The following PCDHGA9 variants were observed in gnomAD, a reference collection of about 807,000 sequenced individuals.
The protein encoded by PCDHGA9 is protocadherin gamma-A9.
In PCDHGA9, 37 loss-of-function variants were observed where a neutral mutation model predicts 62.5. The observed-to-expected ratio is 0.59, with a 90% CI of 0.46 to 0.78. The LOEUF (loss-of-function observed/expected upper bound fraction) is 0.78. Ranked by LOEUF, PCDHGA9 falls within the 30% of genes least tolerant of loss-of-function variation. The pLI, the probability that PCDHGA9 is intolerant of heterozygous loss-of-function variation, is 0.00. For synonymous variants in PCDHGA9, 459 were observed against 484.6 expected, an observed-to-expected ratio of 0.95 and a Z score of 0.69; for missense variants, 1,138 against 1,166.2, an observed-to-expected ratio of 0.98 and a Z score of 0.35.
In PCDHGA9 at chr5:141,506,176, C is replaced by T. The variant is rs183157987; in HGVS notation, c.2572+695C>T. ...CCTTAAGAGCACAGCCTAAGCTGGG[C>T]GTGGTGGCTCACGCCTGTAATCCCA... is the stretch of plus-strand genomic sequence containing the variant. On this transcript the variant is annotated intron_variant, in intron 3 of 3. Coordinates refer to ENST00000573521, the MANE Select transcript of PCDHGA9 (RefSeq NM_018921.3). Among the ~76,000 whole-genome samples the T allele has an allele frequency of 3.0e-3, 454 of 152,234 alleles. 1 individual carries two copies. The highest frequency in any genetic ancestry group is 0.021 in the Admixed American group (317 of 15,296).
intron 1 of PCDHGA9, chr5:141,427,495 C>T: frequency 1.8e-6 from 1 of 562,648 alleles, no homozygotes; most frequent in South Asian, 1.5e-5. Flanking sequence ...AAGCTTGTAA[C>T]AGATGGGACC....
chr5:141,441,973 C>A lies in PCDHGA9; in HGVS notation c.2424+36597C>A, dbSNP rs1457832429. The A allele has an allele frequency of 3.7e-5, 11 of 296,542 alleles. No individual in the cohort carries two copies. In the Admixed American group the frequency reaches 4.9e-4, roughly 13 times the overall value. 18.4% of individuals were successfully genotyped at this position (296,542 alleles called of 1,614,324 possible). A position where few individuals can be genotyped will look rare whatever the true frequency, so the allele number is the denominator to read the frequency against. ...GGCCAGCAAGCCCAGGCTCTTCAGC[C>A]TGGAATGCGCACCGACGAGGTGCTG... On this transcript the variant is annotated intron_variant, in intron 1 of 3. Coordinates refer to ENST00000573521, the MANE Select transcript of PCDHGA9 (RefSeq NM_018921.3).
intron 1 of PCDHGA9, chr5:141,414,525 T>C (rs1413988459): frequency 1.2e-6 from 2 of 1,613,972 alleles, no homozygotes; most frequent in South Asian, 1.1e-5. Flanking sequence ...CAGATATCAA[T>C]GACAACCCAC....
intron 1 of PCDHGA9, chr5:141,408,432 T>C (rs370073451): frequency 3.1e-6 from 5 of 1,613,972 alleles, no homozygotes; most frequent in Non-Finnish European, 4.2e-6. Flanking sequence ...CACTTCAGCG[T>C]AGACGCGGAG....
At chr5:141,501,987 G>A (rs1462571527) in intron 2 of PCDHGA9, among the ~76,000 whole-genome samples, 2 of 152,016 alleles carry the variant, frequency 1.3e-5, no homozygotes, top group Non-Finnish European at 2.9e-5. Flanking sequence ...TGGTCCCGTT[G>A]TCTCCCTGAC....
At position 141,431,823 on chromosome 5, in the gene PCDHGA9, CG is replaced by C. The variant is rs754257436; in HGVS notation, c.2424+26449del. ...GTGGTCCTCACCTCTCTCGCCAGCTCGGTTCCCGAAAACTCTCCCAGAGGGA... is the reference window on the plus strand; with the variant it reads ...GTGGTCCTCACCTCTCTCGCCAGCTCGTTCCCGAAAACTCTCCCAGAGGGA... On this transcript the variant is annotated intron_variant, in intron 1 of 3. Transcript: ENST00000573521. The surrounding 1 kb of genome is among the most constrained non-coding windows in gnomAD (Gnocchi z 4.8). 2.5e-6 allele frequency: 4 copies of C among 1,614,142 alleles called. No homozygotes were observed. In the East Asian group the frequency reaches 8.9e-5, roughly 36 times the overall value.
chr5:141,506,085 G>A lies in PCDHGA9; in HGVS notation c.2572+604G>A, dbSNP rs532931472. Among the ~76,000 whole-genome samples the A allele has an allele frequency of 2.6e-4, 39 of 152,168 alleles. 1 individual carries two copies. In the South Asian group the frequency reaches 2.9e-3, roughly 11 times the overall value. On this transcript the variant is annotated intron_variant, in intron 3 of 3. Coordinates refer to ENST00000573521, the MANE Select transcript of PCDHGA9 (RefSeq NM_018921.3). ...AGGGCTTCCTTTGTAATAGAGATTC[G>A]GCTAGTGGTGGTTGTCCCTGAAGAG...
intron 1 of PCDHGA9, chr5:141,410,715 G>A: frequency 1.4e-6 from 2 of 1,422,782 alleles, no homozygotes; most frequent in Non-Finnish European, 1.9e-6. Context: ...AGAATCATAT[G>A]TTTAAAATCC....
In PCDHGA9 at chr5:141,432,967, G is replaced by T; in HGVS notation, c.2424+27591G>T. ...CAGGAGGCGGCTTGACAGGAGCGCC[G>T]GCGTCGCACTTTGTGGGCGTGGACG... On this transcript the variant is annotated intron_variant, in intron 1 of 3. Coordinates refer to ENST00000573521, the MANE Select transcript of PCDHGA9 (RefSeq NM_018921.3). The surrounding 1 kb of genome is among the most constrained non-coding windows in gnomAD (Gnocchi z 6.0). 1 of 1,614,190 alleles carries T rather than the reference G, an allele frequency of 6.2e-7. No homozygotes were observed. The highest frequency in any genetic ancestry group is 2.2e-5 in the East Asian group (1 of 44,854).
Position 141,490,046 on chromosome 5 carries a change from C to A in PCDHGA9, c.2425-4761C>A, listed in dbSNP as rs2099695274. ...CTGCTCCGCCTCAATGCCACTGATC[C>A]AGACGAGGGCACCAACGGCCAACTA... On this transcript the variant is annotated intron_variant, in intron 1 of 3. Transcript: ENST00000573521. This position sits in a 1 kb window ranked among gnomAD's most constrained non-coding sequence, Gnocchi z 5.4. 1 of 1,614,094 alleles carries A rather than the reference C, an allele frequency of 6.2e-7. No individual in the cohort carries two copies.
chr5:141,453,701 AAC>A (rs1250174252), intron 1 of PCDHGA9, among the ~76,000 whole-genome samples: 1 of 152,240 alleles, frequency 6.6e-6, no homozygotes, highest in Non-Finnish European at 1.5e-5. Context: ...CCTGGCTTTG[AAC>A]AGTTTCACTA....
rs1299573831 is a variant in PCDHGA9 at position 141,500,662 on chromosome 5, T to A, written c.2484-4731T>A. 5.3e-5 allele frequency among the ~76,000 whole-genome samples: 8 copies of A among 152,352 alleles called. No homozygotes were observed. The East Asian group carries it at 1.5e-3, about 29-fold the overall frequency. ...TTTTTAAAAATAGCAACTGAGGCCA[T>A]ACTGTCCAACAGAATTATAGCTTTT... On this transcript the variant is annotated intron_variant, in intron 2 of 3. Coordinates refer to ENST00000573521, the MANE Select transcript of PCDHGA9 (RefSeq NM_018921.3).
At chr5:141,419,505 G>C in intron 1 of PCDHGA9, 1 of 1,612,324 alleles carries the variant, frequency 6.2e-7, no homozygotes, top group Non-Finnish European at 8.5e-7. Flanking sequence ...GTGAGCCTGC[G>C]CGTGTTGGTG....
chr5:141,470,915 C>A (rs2099244061), intron 1 of PCDHGA9, among the ~76,000 whole-genome samples: 1 of 152,010 alleles, frequency 6.6e-6, no homozygotes, highest in Non-Finnish European at 1.5e-5. Flanking sequence ...GGGACTGTCC[C>A]TATGTTGCTC....
chr5:141,419,375 T>G (rs755252910), intron 1 of PCDHGA9: 1 of 1,613,728 alleles, frequency 6.2e-7, no homozygotes, highest in Admixed American at 1.7e-5. Context: ...GTCCTACGTG[T>G]CCGTGAGCGC....
Position 141,418,518 on chromosome 5 carries a change from C to G in PCDHGA9, c.2424+13142C>G. Reference sequence around the variant, plus strand: ...CTGACCGCCTTAGATGGTGGGGACCCTCCCCGAAGCGGTACTGCTCAGATA... The same window carrying G: ...CTGACCGCCTTAGATGGTGGGGACCGTCCCCGAAGCGGTACTGCTCAGATA... On this transcript the variant is annotated intron_variant, in intron 1 of 3. Coordinates refer to ENST00000573521, the MANE Select transcript of PCDHGA9 (RefSeq NM_018921.3). The G allele has an allele frequency of 2.5e-6, 4 of 1,613,986 alleles. 1 individual carries two copies.
rs367731612 is a variant in PCDHGA9, at chr5:141,419,406, C to T, written c.2424+14030C>T. The T allele has an allele frequency of 6.5e-5, 105 of 1,613,522 alleles. 1 individual carries two copies. The South Asian group carries it at 1.0e-3, about 16-fold the overall frequency. Reference sequence around the variant, plus strand: ...AGCGCGCAGAGCGGGGTGGTGTTCGCGCAGCGCGCCTTCGACCACGAGCAG... The same window carrying T: ...AGCGCGCAGAGCGGGGTGGTGTTCGTGCAGCGCGCCTTCGACCACGAGCAG... On this transcript the variant is annotated intron_variant, in intron 1 of 3. Transcript: ENST00000573521.
rs778052844 is a variant in PCDHGA9, at chr5:141,486,259, T to C, written c.2425-8548T>C. ...CAGAGCTTGGAACCCTCCCCGAGAG[T>C]GCAGAACCTGGCACTGTGGTGGCAC... is the stretch of plus-strand genomic sequence containing the variant. On this transcript the variant is annotated intron_variant, in intron 1 of 3. Coordinates refer to ENST00000573521, the MANE Select transcript of PCDHGA9 (RefSeq NM_018921.3). This position sits in a 1 kb window ranked among gnomAD's most constrained non-coding sequence, Gnocchi z 5.0. 1 of 1,613,204 alleles carries C rather than the reference T, an allele frequency of 6.2e-7. No individual in the cohort carries two copies. The highest frequency in any genetic ancestry group is 8.5e-7 in the Non-Finnish European group (1 of 1,179,716).
intron 1 of PCDHGA9, chr5:141,419,023 A>C: frequency 6.2e-7 from 1 of 1,613,958 alleles, no homozygotes; most frequent in East Asian, 2.2e-5. Context: ...GCTTAAGTAG[A>C]GGTGTTCCAT....
Sources: allele counts gnomAD v4.1 joint callset (sites outside exome capture counted in the v4.1 genomes callset), GRCh38; gene constraint gnomAD v4.1.1; non-coding constraint Gnocchi (gnomAD v3.1); transcripts MANE v1.5; gene names NCBI Gene and HGNC (gene_info 2026-07-23, HGNC 2026-07-21).